The following ATP13A4 variants were observed in gnomAD, a reference collection of about 807,000 sequenced individuals.
ATP13A4 encodes ATPase 13A4.
A neutral mutation model predicts 142.5 loss-of-function variants in ATP13A4; 114 were observed. That is an observed-to-expected ratio of 0.80 (90% CI 0.69 to 0.93). The LOEUF is 0.93. Ranked by LOEUF, ATP13A4 falls within the 40% of genes least tolerant of loss-of-function variation. ATP13A4 has a pLI of 0.00. For missense variants in ATP13A4, 1,392 were observed against 1,454.0 expected (o/e 0.96, Z 0.69); for synonymous variants, 488 against 514.8 (o/e 0.95, Z 0.70).
chr3:193,429,864 G>GA lies in ATP13A4; in HGVS notation c.2842+3980dup, dbSNP rs1019199792. Among the ~76,000 whole-genome samples, 21 of 151,852 alleles carry GA rather than the reference G, an allele frequency of 1.4e-4. 1 individual carries two copies. Among genetic ancestry groups the GA allele is most frequent in the South Asian group, 2.1e-4 (1 of 4,824 alleles). On this transcript the variant is annotated intron_variant, in intron 25 of 29. Coordinates refer to ENST00000342695, the MANE Select transcript of ATP13A4 (RefSeq NM_032279.4). Reference sequence around the variant, plus strand: ...TAATTCTAATTTCTTAATTTATATAGAAAAAAGACTGGACAGAAATACATC... The same window carrying GA: ...TAATTCTAATTTCTTAATTTATATAGAAAAAAAGACTGGACAGAAATACATC...
intron 3 of ATP13A4, among the ~76,000 whole-genome samples, chr3:193,497,969 T>C (rs1353165745): frequency 3.9e-5 from 6 of 152,166 alleles, no homozygotes; most frequent in Admixed American, 1.3e-4. Context: ...AAAGTTATAG[T>C]TAGATAGAAG....
intron 14 of ATP13A4, 24 bp downstream of exon 14, chr3:193,459,057 A>T: frequency 6.2e-7 from 1 of 1,613,892 alleles, no homozygotes; most frequent in Non-Finnish European, 8.5e-7. Flanking sequence ...AGCTTCTCAG[A>T]TTCTCTGAAG....
At chr3:193,473,735 T>G (rs1718752539) in intron 8 of ATP13A4, among the ~76,000 whole-genome samples, 1 of 152,146 alleles carries the variant, frequency 6.6e-6, no homozygotes, top group Non-Finnish European at 1.5e-5. Flanking sequence ...CAAAAATGCA[T>G]AACCTGAATT....
intron 1 of ATP13A4, among the ~76,000 whole-genome samples, chr3:193,529,576 A>G: frequency 6.6e-6 from 1 of 151,498 alleles, no homozygotes; most frequent in East Asian, 1.9e-4. Context: ...GTCATTGTGC[A>G]AGAGTGCCAA....
chr3:193,456,281 C>G (rs1717605326), intron 16 of ATP13A4, among the ~76,000 whole-genome samples: 1 of 152,172 alleles, frequency 6.6e-6, no homozygotes, highest in Non-Finnish European at 1.5e-5. Context: ...CAAATGAGAT[C>G]ATTGCTATGA....
chr3:193,464,938 A>G lies in ATP13A4; in HGVS notation c.1461+2T>C. On this transcript the variant is annotated splice_donor_variant, in intron 12 of 29. Transcript: ENST00000342695. LOFTEE classifies it high-confidence loss of function. ...ATAAGAATAAGGATGAAACACACATACCTTGTCAAAGCAGACAAGGTTTAA... is the reference window on the plus strand; with the variant it reads ...ATAAGAATAAGGATGAAACACACATGCCTTGTCAAAGCAGACAAGGTTTAA... 1 of 1,613,264 alleles carries G rather than the reference A, an allele frequency of 6.2e-7. No homozygotes were observed. The highest frequency in any genetic ancestry group is 8.5e-7 in the Non-Finnish European group (1 of 1,179,332).
chr3:193,474,465 G>A (rs1718819231), intron 8 of ATP13A4, among the ~76,000 whole-genome samples: 1 of 150,412 alleles, frequency 6.6e-6, no homozygotes, highest in African/African-American at 2.5e-5. Context: ...GGGACCAGGA[G>A]GTCGAGGCTG....
At chr3:193,502,471 C>T (rs749090933) in intron 3 of ATP13A4, 22 bp downstream of exon 3, 8 of 1,610,892 alleles carry the variant, frequency 5.0e-6, no homozygotes, top group African/African-American at 1.3e-5. Flanking sequence ...CTGACATCAG[C>T]AGTAGCCATA....
At chr3:193,415,161 A>G (rs1373221325) in intron 25 of ATP13A4, among the ~76,000 whole-genome samples, 1 of 152,248 alleles carries the variant, frequency 6.6e-6, no homozygotes, top group Non-Finnish European at 1.5e-5. Flanking sequence ...AAGCTAAAAA[A>G]GTTAATCAGA....
intron 8 of ATP13A4, among the ~76,000 whole-genome samples, chr3:193,475,618 G>C (rs553069245): frequency 1.3e-5 from 2 of 151,932 alleles, no homozygotes; most frequent in Admixed American, 1.3e-4. Context: ...AATGTCTTCT[G>C]TCTTACAGAT....
chr3:193,496,475 G>A (rs976370281), intron 3 of ATP13A4, among the ~76,000 whole-genome samples: 1 of 152,174 alleles, frequency 6.6e-6, no homozygotes, highest in Admixed American at 6.5e-5. Flanking sequence ...ATGGATAAAG[G>A]ATAGTCTCCT....
chr3:193,485,383 G>T (rs1214794568), intron 7 of ATP13A4, among the ~76,000 whole-genome samples: 3 of 152,112 alleles, frequency 2.0e-5, no homozygotes, highest in Non-Finnish European at 4.4e-5. Context: ...ATTCCTGGGG[G>T]TTTTTAGGAA....
chr3:193,531,868 C>T (rs879912517), intron 1 of ATP13A4, among the ~76,000 whole-genome samples: 8 of 152,176 alleles, frequency 5.3e-5, no homozygotes, highest in Admixed American at 2.0e-4. Context: ...AAGCTGGAGT[C>T]TCCCACATAA....
At position 193,477,210 on chromosome 3, in the gene ATP13A4, T is replaced by G. The variant is rs1471332177; in HGVS notation, c.809-6217A>C. ...GTATAACTATTTTAAAATTATGAGG[T>G]TTTAAAAGATGTGACAAAGGAATTA... is the stretch of plus-strand genomic sequence containing the variant. On this transcript the variant is annotated intron_variant, in intron 8 of 29. Coordinates refer to ENST00000342695, the MANE Select transcript of ATP13A4 (RefSeq NM_032279.4). Among the ~76,000 whole-genome samples, 4 of 152,068 alleles carry G rather than the reference T, an allele frequency of 2.6e-5. 1 individual carries two copies. The highest frequency in any genetic ancestry group is 9.7e-5 in the African/African-American group (4 of 41,342).
chr3:193,452,567 A>ATTTTT (rs751029977), intron 17 of ATP13A4, among the ~76,000 whole-genome samples: 3 of 120,798 alleles, frequency 2.5e-5, no homozygotes, highest in African/African-American at 6.4e-5. Context: ...ACATTGTGGA[A>ATTTTT]TTTTTTTTTT....
At chr3:193,414,216 GT>G (rs1191016662) in intron 26 of ATP13A4, among the ~76,000 whole-genome samples, 2 of 152,194 alleles carry the variant, frequency 1.3e-5, no homozygotes, top group Admixed American at 1.3e-4. Context: ...AACAAAGATA[GT>G]TTTGAAGGTG....
At chr3:193,424,644 C>A (rs1715564045) in intron 25 of ATP13A4, among the ~76,000 whole-genome samples, 1 of 149,558 alleles carries the variant, frequency 6.7e-6, no homozygotes, top group African/African-American at 2.5e-5. Flanking sequence ...AACTAGACCC[C>A]TATCTCTCAC....
At chr3:193,444,592 A>G (rs1486550085) in intron 18 of ATP13A4, among the ~76,000 whole-genome samples, 1 of 152,214 alleles carries the variant, frequency 6.6e-6, no homozygotes, top group Non-Finnish European at 1.5e-5. Context: ...TCCCTGTTGA[A>G]AGTAAAGACT....
intron 1 of ATP13A4, among the ~76,000 whole-genome samples, chr3:193,545,973 TTGTGTG>T (rs3053200): frequency 0.011 from 1,558 of 143,404 alleles, 16 homozygotes; most frequent in African/African-American, 0.027. Context: ...AATGTTTAAA[TTGTGTG>T]TGTGTGTGTG....
Sources: allele counts gnomAD v4.1 joint callset (sites outside exome capture counted in the v4.1 genomes callset), GRCh38; gene constraint gnomAD v4.1.1; transcripts MANE v1.5; gene names NCBI Gene and HGNC (gene_info 2026-07-23, HGNC 2026-07-21).